Variants in SOX5 observed in about 807,000 individuals in gnomAD.
The protein encoded by SOX5 is SRY-box transcription factor 5, also known as transcription factor SOX-5.
In SOX5, 9 loss-of-function variants were observed where a neutral mutation model predicts 92.0. That is an observed-to-expected ratio of 0.10 (90% CI 0.06 to 0.17). The LOEUF is 0.17. Ranked by LOEUF, SOX5 falls within the 10% of genes least tolerant of loss-of-function variation. The pLI is 1.00. For missense variants in SOX5, 642 were observed against 944.5 expected (o/e 0.68, Z 4.20); for synonymous variants, 344 against 336.3 (o/e 1.02, Z -0.25).
intron 6 of SOX5, among the ~76,000 whole-genome samples, chr12:23,715,030 C>A (rs1159827416): frequency 6.6e-6 from 1 of 152,044 alleles, no homozygotes; most frequent in African/African-American, 2.4e-5. Flanking sequence ...CATAGAGTTT[C>A]CTATGTTTTA....
At chr12:23,735,680 A>C (rs898289219) in intron 5 of SOX5, among the ~76,000 whole-genome samples, 1 of 152,196 alleles carries the variant, frequency 6.6e-6, no homozygotes, top group Non-Finnish European at 1.5e-5. Flanking sequence ...TATTCAAAGG[A>C]ACCTCAAGTT....
At chr12:23,759,026 C>G (rs868068166) in intron 3 of SOX5, among the ~76,000 whole-genome samples, 19 of 71,480 alleles carry the variant, frequency 2.7e-4, no homozygotes, top group African/African-American at 7.5e-4. Context: ...CACACACACA[C>G]ACAGACACAC....
At chr12:23,610,500 A>G (rs2075819152) in intron 8 of SOX5, among the ~76,000 whole-genome samples, 1 of 152,176 alleles carries the variant, frequency 6.6e-6, no homozygotes, top group Admixed American at 6.6e-5. Context: ...AATTTTAAAA[A>G]CAAGGAACAG....
intron 1 of SOX5, among the ~76,000 whole-genome samples, chr12:23,919,240 G>C (rs1247870834): frequency 6.6e-6 from 1 of 152,030 alleles, no homozygotes; most frequent in African/African-American, 2.4e-5. Flanking sequence ...AGGTGAAATT[G>C]GTAGTTTCAT....
chr12:24,217,868 A>T (rs907875797), intron 3 of SOX5, among the ~76,000 whole-genome samples: 7 of 152,210 alleles, frequency 4.6e-5, no homozygotes, highest in African/African-American at 1.7e-4. Context: ...GAAGATGTAC[A>T]AAGATGATGC....
At chr12:23,617,303 T>A (rs1387653657) in intron 8 of SOX5, among the ~76,000 whole-genome samples, 1 of 152,070 alleles carries the variant, frequency 6.6e-6, no homozygotes, top group Non-Finnish European at 1.5e-5. Flanking sequence ...AAATTATTAT[T>A]ATGACCCACA....
intron 1 of SOX5, among the ~76,000 whole-genome samples, chr12:24,518,887 G>A (rs1034877618): frequency 1.6e-4 from 24 of 152,084 alleles, no homozygotes; most frequent in South Asian, 6.2e-4. Context: ...TTAATATTTA[G>A]GAAACAAAAC....
intron 4 of SOX5, among the ~76,000 whole-genome samples, chr12:24,195,043 A>C (rs1403672272): frequency 6.6e-6 from 1 of 152,118 alleles, no homozygotes; most frequent in African/African-American, 2.4e-5. Flanking sequence ...TAAAAGTTCC[A>C]ATATTGTGTT....
intron 1 of SOX5, among the ~76,000 whole-genome samples, chr12:23,913,741 G>GAA (rs765548695): frequency 6.9e-5 from 4 of 58,058 alleles, no homozygotes; most frequent in African/African-American, 1.1e-4. Context: ...TGTCTCAGAA[G>GAA]AAAAAAAAAA....
chr12:24,358,463 C>CA (rs146701381), intron 2 of SOX5, among the ~76,000 whole-genome samples: 5,720 of 151,652 alleles, frequency 0.038, 171 homozygotes, highest in South Asian at 0.14. Context: ...ACTTAACTGC[C>CA]AAAAAAAATT....
rs34841595 is a variant in SOX5 at position 23,758,008 on chromosome 12, C to CAA, written c.482-2286_482-2285dup. Among the ~76,000 whole-genome samples the CAA allele has an allele frequency of 4.1e-3, 280 of 68,246 alleles. 33 individuals carry two copies. Among genetic ancestry groups the CAA allele is most frequent in the African/African-American group, 0.016 (232 of 14,454 alleles). 44.8% of individuals were successfully genotyped at this position (68,246 alleles called of 152,430 possible). ...GTACTTGACTTTTAAGCACACACTACAAAAAAAAAAAAAAAAAAAAAAAAA... is the reference window on the plus strand; with the variant it reads ...GTACTTGACTTTTAAGCACACACTACAAAAAAAAAAAAAAAAAAAAAAAAAAA... On this transcript the variant is annotated intron_variant, in intron 3 of 14. Transcript: ENST00000451604.
At chr12:23,783,784 G>C (rs536899834) in intron 3 of SOX5, among the ~76,000 whole-genome samples, 1 of 152,252 alleles carries the variant, frequency 6.6e-6, no homozygotes, top group African/African-American at 2.4e-5. Flanking sequence ...ACATGGAACT[G>C]ACAGGCTCCA....
intron 2 of SOX5, among the ~76,000 whole-genome samples, chr12:24,348,775 G>A (rs1242258461): frequency 6.6e-6 from 1 of 152,128 alleles, no homozygotes; most frequent in Non-Finnish European, 1.5e-5. Context: ...TCATGGGAGG[G>A]ACCCAGTAGG....
intron 3 of SOX5, among the ~76,000 whole-genome samples, chr12:24,276,260 A>G (rs1270828921): frequency 6.6e-6 from 1 of 152,084 alleles, no homozygotes; most frequent in Non-Finnish European, 1.5e-5. Flanking sequence ...AGCCTGAGTT[A>G]TAAGTATTTT....
rs536364636 is a variant in SOX5, at chr12:24,276,530, A to T, written c.-77+686T>A. On this transcript the variant is annotated intron_variant, in intron 3 of 4. Transcript: ENST00000446891. Reference sequence around the variant, plus strand: ...TGACAAACTTCTCCTGAACAACAGAATTCCTTCCTTTCATCCTTTTCTGCA... The same window carrying T: ...TGACAAACTTCTCCTGAACAACAGATTTCCTTCCTTTCATCCTTTTCTGCA... Among the ~76,000 whole-genome samples the T allele has an allele frequency of 6.6e-5, 10 of 152,298 alleles. No homozygotes were observed. In the East Asian group the frequency reaches 1.9e-3, roughly 29 times the overall value.
At chr12:23,997,944 A>T (rs907104310) in intron 4 of SOX5, among the ~76,000 whole-genome samples, 8 of 152,158 alleles carry the variant, frequency 5.3e-5, no homozygotes, top group East Asian at 1.9e-4. Flanking sequence ...AAACAACAAC[A>T]ACTACTACTA....
At chr12:23,937,289 A>G (rs1038055759) in intron 1 of SOX5, among the ~76,000 whole-genome samples, 1 of 150,966 alleles carries the variant, frequency 6.6e-6, no homozygotes, top group African/African-American at 2.4e-5. Flanking sequence ...CAAATGTAAA[A>G]GCATCTAATA....
intron 2 of SOX5, among the ~76,000 whole-genome samples, chr12:23,862,963 T>C (rs985357831): frequency 2.0e-5 from 3 of 152,192 alleles, no homozygotes; most frequent in Admixed American, 1.3e-4. Context: ...GGGATGTCAA[T>C]AGCAGGTCTG....
At chr12:24,010,148 A>T (rs776844134) in intron 4 of SOX5, among the ~76,000 whole-genome samples, 1 of 152,208 alleles carries the variant, frequency 6.6e-6, no homozygotes, top group Non-Finnish European at 1.5e-5. Flanking sequence ...AATAACTACA[A>T]TGTGCCAGAA....
Sources: gnomAD v4.1 joint callset for allele counts (sites outside exome capture counted in the v4.1 genomes callset) on GRCh38, gnomAD v4.1.1 for gene constraint, MANE v1.5 for transcripts, NCBI Gene and HGNC (gene_info 2026-07-23, HGNC 2026-07-21) for gene names.